Variants in AMMECR1 observed in about 807,000 individuals in gnomAD.
AMMECR1 encodes AMMECR nuclear protein 1, also known as nuclear protein AMMECR1.
A neutral mutation model predicts 22.5 loss-of-function variants in AMMECR1; 3 were observed. That is an observed-to-expected ratio of 0.13 (90% CI 0.06 to 0.35). The LOEUF (loss-of-function observed/expected upper bound fraction) is 0.35. AMMECR1 is among the 10% of genes least tolerant of loss of function. The pLI is 1.00. For missense variants in AMMECR1, 235 were observed against 278.7 expected, an observed-to-expected ratio of 0.84 and a Z score of 1.12; for synonymous variants, 130 against 116.7, an observed-to-expected ratio of 1.11 and a Z score of -0.74.
At chrX:110,241,702 C>G (rs745571998) in intron 2 of AMMECR1, among the ~76,000 whole-genome samples, 1 of 107,968 alleles carries the variant, frequency 9.3e-6, no homozygotes, top group South Asian at 4.2e-4. Flanking sequence ...GGAGAAATAC[C>G]TAATGTAGAT....
At chrX:110,208,907 G>A (rs934534371) in intron 3 of AMMECR1, among the ~76,000 whole-genome samples, 2 of 111,586 alleles carry the variant, frequency 1.8e-5, no homozygotes, top group Non-Finnish European at 3.8e-5. Context: ...AGCTTCCCAA[G>A]AAATGTTCAG....
At chrX:110,428,228 A>G (rs1449307519) in intron 1 of AMMECR1, among the ~76,000 whole-genome samples, 1 of 111,555 alleles carries the variant, frequency 9.0e-6, no homozygotes, top group African/African-American at 3.3e-5. Flanking sequence ...GGAATCTCAG[A>G]ATTCTCTGTC....
At chrX:110,325,322 GTTAT>G (rs1456459880) in intron 2 of AMMECR1, among the ~76,000 whole-genome samples, 1 of 111,489 alleles carries the variant, frequency 9.0e-6, no homozygotes, top group African/African-American at 3.3e-5. Flanking sequence ...TATACTCTTA[GTTAT>G]TTTTAAATGT....
chrX:110,341,339 G>C (rs2068163223), intron 2 of AMMECR1, among the ~76,000 whole-genome samples: 1 of 112,231 alleles, frequency 8.9e-6, no homozygotes, highest in Non-Finnish European at 1.9e-5. Context: ...GATAGTTACG[G>C]AGCAAATTTA....
At chrX:110,345,053 TA>T (rs1193830403) in intron 2 of AMMECR1, among the ~76,000 whole-genome samples, 3 of 112,305 alleles carry the variant, frequency 2.7e-5, no homozygotes, top group Non-Finnish European at 5.6e-5. Context: ...CATGTATGTT[TA>T]TTGTGGCACT....
rs2067371121 is a variant in AMMECR1, at chrX:110,196,394, GTT to G, written c.*2124_*2125del. On this transcript the variant is annotated 3_prime_UTR_variant, in exon 6 of 6. Transcript: ENST00000262844. The stretch of plus-strand genomic sequence containing the variant: ...CTTTTTTTCCTTTTTTTTGTTTTTT[GTT>G]TTGTTTTTTTTTTGTTTGTTTTTTT... 9.7e-6 allele frequency: 1 copy of G among 102,749 alleles called. No homozygotes were observed. The highest frequency in any genetic ancestry group is 3.8e-5 in the African/African-American group (1 of 26,330). The allele number at this position is 102,749 out of a possible 1,213,427, so 8.5% of individuals were successfully genotyped here.
chrX:110,303,981 T>C (rs987672014), intron 1 of AMMECR1, among the ~76,000 whole-genome samples: 2 of 112,682 alleles, frequency 1.8e-5, no homozygotes, highest in East Asian at 5.5e-4. Flanking sequence ...TAAACTTATG[T>C]CTTAAAGACA....
intron 2 of AMMECR1, among the ~76,000 whole-genome samples, chrX:110,327,407 G>A (rs143334139): frequency 0.017 from 1,869 of 112,116 alleles, 9 homozygotes; most frequent in Non-Finnish European, 0.023. Context: ...TTTTAAGAAG[G>A]AAGAATGGTT....
At position 110,429,257 on chromosome X, in the gene AMMECR1, G is replaced by A. The variant is rs752758071; in HGVS notation, c.-293-2454C>T. On this transcript the variant is annotated intron_variant, in intron 1 of 7. Coordinates refer to the AMMECR1 transcript ENST00000372057. Reference sequence around the variant, plus strand: ...ATTTTGTTCATCTTTTTTTTTTATAGACTTAGCATAGTACTTTGTAATCAT... The same window carrying A: ...ATTTTGTTCATCTTTTTTTTTTATAAACTTAGCATAGTACTTTGTAATCAT... Among the ~76,000 whole-genome samples the A allele has an allele frequency of 2.7e-5, 3 of 109,368 alleles. No homozygotes were observed. The East Asian group carries it at 8.6e-4, about 31-fold the overall frequency. 95.0% of individuals were successfully genotyped at this position (109,368 alleles called of 115,157 possible).
chrX:110,346,701 T>C, intron 2 of AMMECR1: 1 of 754,328 alleles, frequency 1.3e-6, no homozygotes, highest in East Asian at 3.2e-5. Flanking sequence ...AGATTCATTG[T>C]ACTACAAAAA....
At chrX:110,241,042 G>A (rs918075808) in intron 2 of AMMECR1, among the ~76,000 whole-genome samples, 5 of 111,815 alleles carry the variant, frequency 4.5e-5, no homozygotes, top group African/African-American at 6.5e-5. Context: ...TGAGAACAAA[G>A]ACACAATGTA....
chrX:110,413,390 T>C (rs1223416067), intron 2 of AMMECR1, among the ~76,000 whole-genome samples: 1 of 111,120 alleles, frequency 9.0e-6, no homozygotes, highest in African/African-American at 3.3e-5. Context: ...GTCTGTGCTC[T>C]AGCTTCCCCT....
chrX:110,417,082 G>A (rs1456787948), intron 2 of AMMECR1, among the ~76,000 whole-genome samples: 1 of 112,281 alleles, frequency 8.9e-6, no homozygotes, highest in Non-Finnish European at 1.9e-5. Context: ...TTCAAAGGCA[G>A]TCTGTTTGGG....
intron 2 of AMMECR1, among the ~76,000 whole-genome samples, chrX:110,345,261 C>T (rs1302616078): frequency 9.1e-6 from 1 of 109,704 alleles, no homozygotes; most frequent in Non-Finnish European, 1.9e-5. Context: ...AACCAAACAC[C>T]GCATGTTCTC....
At chrX:110,339,308 C>T (rs759219959) in intron 2 of AMMECR1, among the ~76,000 whole-genome samples, 1 of 105,228 alleles carries the variant, frequency 9.5e-6, no homozygotes, top group Admixed American at 1.1e-4. Flanking sequence ...AAATCCTCTA[C>T]TATACCTTCC....
intron 1 of AMMECR1, among the ~76,000 whole-genome samples, chrX:110,272,928 T>C (rs978346789): frequency 1.8e-5 from 2 of 112,147 alleles, no homozygotes; most frequent in Non-Finnish European, 3.8e-5. Flanking sequence ...GACACTTACA[T>C]TGGTTCCATG....
chrX:110,219,454 T>A (rs1256077996), intron 2 of AMMECR1: 14 of 751,485 alleles, frequency 1.9e-5, no homozygotes, highest in African/African-American at 2.3e-5. Flanking sequence ...TTTTGTTTAG[T>A]TCATTTCCTA....
intron 2 of AMMECR1, among the ~76,000 whole-genome samples, chrX:110,217,402 G>A (rs1457115853): frequency 9.2e-6 from 1 of 108,318 alleles, no homozygotes; most frequent in Non-Finnish European, 1.9e-5. Flanking sequence ...ACTCTGATTG[G>A]ATCCTGTAAT....
chrX:110,347,369 C>CA (rs2068194861), intron 2 of AMMECR1, among the ~76,000 whole-genome samples: 1 of 112,341 alleles, frequency 8.9e-6, no homozygotes, highest in Admixed American at 9.4e-5. Context: ...GAGATATTTT[C>CA]AAAAAAACTC....
Sources: gnomAD v4.1 joint callset for allele counts (sites outside exome capture counted in the v4.1 genomes callset) on GRCh38, gnomAD v4.1.1 for gene constraint, MANE v1.5 for transcripts, NCBI Gene and HGNC (gene_info 2026-07-23, HGNC 2026-07-21) for gene names.